RBFOX1: variants seen among roughly 807,000 people sequenced by gnomAD.
The protein encoded by RBFOX1 is RNA binding protein fox-1 homolog 1.
Under a neutral mutation model 57.7 loss-of-function variants are expected in RBFOX1, and 8 were observed. The observed-to-expected ratio is 0.14, with a 90% CI of 0.08 to 0.25. The LOEUF is 0.25. Among genes scored for constraint, RBFOX1 ranks in the 10% least tolerant of loss-of-function variants. The pLI, the probability that RBFOX1 is intolerant of heterozygous loss-of-function variation, is 1.00. For missense variants in RBFOX1, 611 were observed against 548.5 expected (o/e 1.11, Z -1.14); for synonymous variants, 326 against 222.4 (o/e 1.47, Z -4.15).
intron 4 of RBFOX1, among the ~76,000 whole-genome samples, chr16:7,088,271 C>G (rs2060285927): frequency 6.6e-6 from 1 of 152,178 alleles, no homozygotes; most frequent in Non-Finnish European, 1.5e-5. Context: ...TGAGGTATTT[C>G]ATTTAATTAC....
chr16:6,532,638 C>T (rs547954292), intron 2 of RBFOX1, among the ~76,000 whole-genome samples: 3 of 152,234 alleles, frequency 2.0e-5, no homozygotes, highest in Non-Finnish European at 2.9e-5. Flanking sequence ...CGTCTCTTCT[C>T]GAGATTTCTT....
intron 3 of RBFOX1, among the ~76,000 whole-genome samples, chr16:5,670,709 A>G (rs759045804): frequency 5.3e-5 from 8 of 152,178 alleles, no homozygotes; most frequent in Admixed American, 1.3e-4. Context: ...TACTAGTTCA[A>G]CTGTTAGAGT....
chr16:7,676,666 T>G (rs891349738), intron 13 of RBFOX1, 108 bp from the exon 14 acceptor site: 10 of 950,146 alleles, frequency 1.1e-5, no homozygotes, highest in Non-Finnish European at 1.4e-5. Flanking sequence ...AACCTCAACT[T>G]TAGCTCAGTA....
chr16:7,185,106 C>G lies in RBFOX1; in HGVS notation c.27+133008C>G, dbSNP rs149419216. ...CATACAATATATCTATTTAAACCAC[C>G]TAACAGTGGGGTATTATGGAAGAGC... On this transcript the variant is annotated intron_variant, in intron 4 of 15. Transcript: ENST00000550418. Among the ~76,000 whole-genome samples, 351 of 152,258 alleles carry G rather than the reference C, an allele frequency of 2.3e-3. 1 individual carries two copies. The highest frequency in any genetic ancestry group is 2.2e-3 in the Non-Finnish European group (152 of 68,026).
chr16:6,114,664 G>A (rs1261425835), intron 1 of RBFOX1, among the ~76,000 whole-genome samples: 2 of 152,166 alleles, frequency 1.3e-5, no homozygotes, highest in Admixed American at 1.3e-4. Context: ...TGCCTTGTCT[G>A]TTGGCACCAA....
rs8048386 is a variant in RBFOX1, at chr16:5,876,427, A to T, written c.351+9092A>T. On this transcript the variant is annotated intron_variant, in intron 4 of 19. Coordinates refer to the RBFOX1 transcript ENST00000641259. ...GAAGTTGAGACTCACACCCGAGGCT[A>T]TCAGACCCCCAAACCAGCTGGGGTG... 3.7e-3 allele frequency among the ~76,000 whole-genome samples: 564 copies of T among 152,320 alleles called. 1 individual carries two copies. Among genetic ancestry groups the T allele is most frequent in the African/African-American group, 0.013 (544 of 41,574 alleles).
rs959892229 is a variant in RBFOX1 at position 7,709,049 on chromosome 16, C to G, written c.996-7C>G. ...TGGATCAATCTTCACCTCTATTTTCCTTTCAGTTACGGACGAGTTTATGCT... is the reference window on the plus strand; with the variant it reads ...TGGATCAATCTTCACCTCTATTTTCGTTTCAGTTACGGACGAGTTTATGCT... On this transcript the variant is annotated splice_polypyrimidine_tract_variant and splice_region_variant and intron_variant, in intron 14 of 15. Coordinates refer to ENST00000550418, the MANE Select transcript of RBFOX1 (RefSeq NM_018723.4). 1.2e-6 allele frequency: 2 copies of G among 1,610,952 alleles called. No homozygotes were observed. Among genetic ancestry groups the G allele is most frequent in the East Asian group, 2.2e-5 (1 of 44,824 alleles).
At chr16:6,673,727 G>T (rs1197338206) in intron 3 of RBFOX1, among the ~76,000 whole-genome samples, 1 of 152,184 alleles carries the variant, frequency 6.6e-6, no homozygotes, top group Admixed American at 6.5e-5. Flanking sequence ...AAGAGGCTAT[G>T]GACAAAGGCA....
intron 2 of RBFOX1, among the ~76,000 whole-genome samples, chr16:6,490,271 G>A (rs759870365): frequency 3.0e-4 from 45 of 152,188 alleles, no homozygotes; most frequent in Non-Finnish European, 5.7e-4. Flanking sequence ...TTGCAAGTAC[G>A]CAATTAAATA....
intron 4 of RBFOX1, among the ~76,000 whole-genome samples, chr16:7,460,074 C>A (rs2059253700): frequency 6.6e-6 from 1 of 151,972 alleles, no homozygotes; most frequent in African/African-American, 2.4e-5. Flanking sequence ...TTAGATAATT[C>A]AGTTAATTCA....
chr16:5,822,582 C>T (rs1449133406), intron 3 of RBFOX1, among the ~76,000 whole-genome samples: 1 of 152,090 alleles, frequency 6.6e-6, no homozygotes, highest in Non-Finnish European at 1.5e-5. Flanking sequence ...TAAAATTTTC[C>T]AACCACAAAG....
intron 1 of RBFOX1, among the ~76,000 whole-genome samples, chr16:6,316,497 G>A (rs752897759): frequency 2.0e-5 from 3 of 152,124 alleles, no homozygotes; most frequent in Admixed American, 6.6e-5. Context: ...GTAGAATCCT[G>A]CAGTTCTAGC....
intron 13 of RBFOX1, among the ~76,000 whole-genome samples, chr16:7,670,293 AAGTGCTAGGATTACAG>A (rs1288986490): frequency 6.6e-6 from 1 of 152,168 alleles, no homozygotes; most frequent in Admixed American, 6.5e-5. Context: ...TGGCCTCCCA[AAGTGCTAGGATTACAG>A]GTGTCAGCCA....
intron 4 of RBFOX1, among the ~76,000 whole-genome samples, chr16:7,436,042 C>T (rs896569038): frequency 2.0e-5 from 3 of 152,132 alleles, no homozygotes; most frequent in Non-Finnish European, 4.4e-5. Context: ...CATGAAAGCT[C>T]CCTGAACATC....
At chr16:5,436,595 G>T (rs2151527241) in intron 1 of RBFOX1, among the ~76,000 whole-genome samples, 1 of 152,290 alleles carries the variant, frequency 6.6e-6, no homozygotes, top group African/African-American at 2.4e-5. Flanking sequence ...AATCCTAGCA[G>T]TTTGGGAGGC....
chr16:7,337,114 T>C (rs1200501599), intron 4 of RBFOX1, among the ~76,000 whole-genome samples: 1 of 152,168 alleles, frequency 6.6e-6, no homozygotes, highest in Non-Finnish European at 1.5e-5. Context: ...CCCCTTTGCC[T>C]ATGGAGAACC....
intron 4 of RBFOX1, among the ~76,000 whole-genome samples, chr16:7,173,042 T>A (rs551239391): frequency 4.6e-5 from 7 of 152,226 alleles, no homozygotes; most frequent in Non-Finnish European, 7.4e-5. Context: ...CTGGTAGAAA[T>A]AAGATATTAG....
chr16:6,183,584 G>T (rs1023982875), intron 1 of RBFOX1, among the ~76,000 whole-genome samples: 1 of 152,016 alleles, frequency 6.6e-6, no homozygotes, highest in Non-Finnish European at 1.5e-5. Context: ...TATGAGAGAG[G>T]GGTCTGGGAA....
At chr16:5,870,878 C>G (rs1402785152) in intron 4 of RBFOX1, among the ~76,000 whole-genome samples, 1 of 151,980 alleles carries the variant, frequency 6.6e-6, no homozygotes, top group African/African-American at 2.4e-5. Flanking sequence ...CCCCCCCACC[C>G]CCAAGTAGAG....
Sources: allele counts gnomAD v4.1 joint callset (sites outside exome capture counted in the v4.1 genomes callset), GRCh38; gene constraint gnomAD v4.1.1; transcripts MANE v1.5; gene names NCBI Gene and HGNC (gene_info 2026-07-23, HGNC 2026-07-21).